Variants in SPMIP4 observed in about 807,000 individuals in gnomAD.
SPMIP4 encodes the protein sperm microtubule inner protein 4.
the SPMIP4 span, chr7:25,179,249 C>G: frequency 1.5e-4 from 248 of 1,613,634 alleles, 1 homozygote; most frequent in Non-Finnish European, 2.0e-4. Flanking sequence ...AGGTGTTGGA[C>G]AGTATGTCAG....
chr7:25,141,318 A>T, the SPMIP4 span, among the ~76,000 whole-genome samples: 4 of 152,192 alleles, frequency 2.6e-5, no homozygotes, highest in Admixed American at 2.6e-4. Context: ...TCACGCCTGT[A>T]ATCCCAGCAC....
the SPMIP4 span, chr7:25,142,833 G>A: frequency 1.4e-6 from 2 of 1,479,256 alleles, no homozygotes; most frequent in Admixed American, 5.1e-5. Flanking sequence ...TGAACATAAA[G>A]ATTACTGCTG....
the SPMIP4 span, among the ~76,000 whole-genome samples, chr7:25,173,070 T>C: frequency 7.4e-6 from 1 of 134,470 alleles, no homozygotes; most frequent in Admixed American, 7.5e-5. This position sits in a 1 kb window ranked among gnomAD's most constrained non-coding sequence, Gnocchi z 4.4. Context: ...GGGGAGAGAA[T>C]GGGAAAGAGA....
chr7:25,176,083 C>A, the SPMIP4 span, among the ~76,000 whole-genome samples: 1 of 152,180 alleles, frequency 6.6e-6, no homozygotes, highest in Admixed American at 6.5e-5. This position sits in a 1 kb window ranked among gnomAD's most constrained non-coding sequence, Gnocchi z 4.4. Flanking sequence ...TCAAATAATA[C>A]CTTTTTGTAG....
At chr7:25,148,949 G>A in the SPMIP4 span, among the ~76,000 whole-genome samples, 1 of 152,236 alleles carries the variant, frequency 6.6e-6, no homozygotes, top group Non-Finnish European at 1.5e-5. Flanking sequence ...AAAGGAAAGT[G>A]ACCTATAGAA....
the SPMIP4 span, chr7:25,179,416 TGACGCTGCACA>T: frequency 8.0e-7 from 1 of 1,257,200 alleles, no homozygotes; most frequent in South Asian, 1.5e-5. Flanking sequence ...TTGTTCAACC[TGACGCTGCACA>T]GACGTCACAG....
At chr7:25,172,453 T>C in the SPMIP4 span, among the ~76,000 whole-genome samples, 8 of 152,224 alleles carry the variant, frequency 5.3e-5, no homozygotes. The surrounding 1 kb of genome is among the most constrained non-coding windows in gnomAD (Gnocchi z 4.2). Flanking sequence ...GTGGAAGTTA[T>C]GGCTAACAAG....
At chr7:25,176,190 T>A in the SPMIP4 span, among the ~76,000 whole-genome samples, 1 of 152,238 alleles carries the variant, frequency 6.6e-6, no homozygotes, top group African/African-American at 2.4e-5. The surrounding 1 kb of genome is among the most constrained non-coding windows in gnomAD (Gnocchi z 4.4). Context: ...TTGGAGCTGA[T>A]CACTAACCAA....
the SPMIP4 span, among the ~76,000 whole-genome samples, chr7:25,130,632 C>A: frequency 5.9e-5 from 9 of 152,286 alleles, no homozygotes; most frequent in East Asian, 1.7e-3. Context: ...CTTAACTACA[C>A]CTACTTCTTA....
At chr7:25,162,414 A>C in the SPMIP4 span, among the ~76,000 whole-genome samples, 1 of 152,168 alleles carries the variant, frequency 6.6e-6, no homozygotes, top group East Asian at 1.9e-4. Flanking sequence ...ATAACACATA[A>C]AGGATTGTTT....
At chr7:25,175,537 T>C in the SPMIP4 span, among the ~76,000 whole-genome samples, 1 of 152,216 alleles carries the variant, frequency 6.6e-6, no homozygotes, top group African/African-American at 2.4e-5. Flanking sequence ...TGGCTGCATC[T>C]AGGTTGTAGG....
the SPMIP4 span, among the ~76,000 whole-genome samples, chr7:25,164,999 G>A: frequency 3.7e-3 from 564 of 152,278 alleles, 1 homozygote; most frequent in African/African-American, 0.013. Flanking sequence ...GTATATCTAT[G>A]CCACATTTTC....
At chr7:25,149,772 T>C in the SPMIP4 span, among the ~76,000 whole-genome samples, 3 of 152,216 alleles carry the variant, frequency 2.0e-5, no homozygotes, top group African/African-American at 7.2e-5. Context: ...TTTTCTAGTT[T>C]TGAATCTTTC....
At chr7:25,132,045 A>G in the SPMIP4 span, among the ~76,000 whole-genome samples, 188 of 152,314 alleles carry the variant, frequency 1.2e-3, no homozygotes, top group Middle Eastern at 0.014. This position sits in a 1 kb window ranked among gnomAD's most constrained non-coding sequence, Gnocchi z 5.0. Flanking sequence ...AAGATTTAAT[A>G]GAGTGAAATA....
the SPMIP4 span, among the ~76,000 whole-genome samples, chr7:25,145,547 T>C: frequency 1.3e-5 from 2 of 152,276 alleles, no homozygotes; most frequent in South Asian, 2.1e-4. Flanking sequence ...AAGGTATTCA[T>C]TGGCTCGATA....
the SPMIP4 span, chr7:25,179,586 G>T: frequency 1.5e-4 from 45 of 299,382 alleles, no homozygotes; most frequent in Middle Eastern, 2.8e-3. Context: ...GTTCGTACCA[G>T]TCCGCTACTT....
At chr7:25,159,074 C>T in the SPMIP4 span, among the ~76,000 whole-genome samples, 2 of 152,304 alleles carry the variant, frequency 1.3e-5, no homozygotes, top group African/African-American at 4.8e-5. Flanking sequence ...CAAGGGATGA[C>T]TACTTCTAAT....
At chr7:25,149,735 A>T in the SPMIP4 span, among the ~76,000 whole-genome samples, 1 of 152,212 alleles carries the variant, frequency 6.6e-6, no homozygotes, top group East Asian at 1.9e-4. Flanking sequence ...CTGCTGGAGT[A>T]ATAATAATGC....
chr7:25,173,331 T>C, the SPMIP4 span, among the ~76,000 whole-genome samples: 2 of 152,228 alleles, frequency 1.3e-5, no homozygotes, highest in Non-Finnish European at 2.9e-5. This position sits in a 1 kb window ranked among gnomAD's most constrained non-coding sequence, Gnocchi z 4.4. Flanking sequence ...GCATGGCCCA[T>C]GGGCCAAATC....
Sources: allele counts gnomAD v4.1 joint callset (sites outside exome capture counted in the v4.1 genomes callset), GRCh38; gene constraint gnomAD v4.1.1; non-coding constraint Gnocchi (gnomAD v3.1); transcripts MANE v1.5; gene names NCBI Gene and HGNC (gene_info 2026-07-23, HGNC 2026-07-21).